SLC4A11: variants seen among roughly 807,000 people sequenced by gnomAD.
The protein encoded by SLC4A11 is bicarbonate transporter related protein 1.
In SLC4A11, 74 loss-of-function variants were observed where a neutral mutation model predicts 95.0. The observed-to-expected ratio is 0.78, with a 90% CI of 0.65 to 0.95. SLC4A11 has a LOEUF of 0.95. Among genes scored for constraint, SLC4A11 ranks in the 40% least tolerant of loss-of-function variants. SLC4A11 has a pLI of 0.00. For synonymous variants in SLC4A11, 548 were observed against 519.0 expected (o/e 1.06, Z -0.76); for missense variants, 1,081 against 1,192.4 (o/e 0.91, Z 1.38).
rs749037006 is a variant in SLC4A11, at chr20:3,234,806, G to A, written c.177C>T (p.Ile59=). The change falls in exon 3 of 20, where the codon ATC becomes ATT. Residue 59 remains isoleucine, a synonymous_variant. Transcript: ENST00000642402. This position sits in a 1 kb window ranked among gnomAD's most constrained non-coding sequence, Gnocchi z 5.8. ...AAAAACGGATACTCTCGCCAGACAC[G>A]ATGGAGGAGTTGGCAGTGTCGAAGG... The part of the protein sequence containing the change: ...DEAFDTANSS[I]VSGESIRFFV... The A allele has an allele frequency of 3.1e-6, 5 of 1,614,032 alleles. No homozygotes were observed. The highest frequency in any genetic ancestry group is 2.2e-5 in the East Asian group (1 of 44,878).
At position 3,229,387 on chromosome 20, in the gene SLC4A11, G is replaced by A. The variant is rs1156862667; in HGVS notation, c.1808C>T (p.Ala603Val). Reference sequence around the variant, plus strand: ...GCCATGGGAGCTGATGAGGGAGAAGGCGAGCACCGCGATGGGCAGGGCGCA... The same window carrying A: ...GCCATGGGAGCTGATGAGGGAGAAGACGAGCACCGCGATGGGCAGGGCGCA... ...SDCALPIAVL[A>V]FSLISSHGFR... Residue 603 changes from alanine (A) to valine (V), a missense_variant, in exon 15 of 20, where the codon GCC becomes GTC. Around this residue, in one of 3 missense-constraint regions of SLC4A11, gnomAD observed 767 missense variants for 858.0 expected, o/e 0.89. Coordinates refer to ENST00000642402, the MANE Select transcript of SLC4A11 (RefSeq NM_001174089.2). 1 of 1,613,210 alleles carries A rather than the reference G, an allele frequency of 6.2e-7. No homozygotes were observed. Among genetic ancestry groups the A allele is most frequent in the Non-Finnish European group, 8.5e-7 (1 of 1,180,040 alleles).
At position 3,234,716 on chromosome 20, in the gene SLC4A11, G is replaced by T; in HGVS notation, c.241+26C>A. 1 of 1,613,822 alleles carries T rather than the reference G, an allele frequency of 6.2e-7. No individual in the cohort carries two copies. Among genetic ancestry groups the T allele is most frequent in the Non-Finnish European group, 8.5e-7 (1 of 1,179,980 alleles). Reference sequence around the variant, plus strand: ...CTGCCCAGTCCCGTGCCTTCCCCCAGTCTGCCCCTGCTGCAGCCCCCATAC... The same window carrying T: ...CTGCCCAGTCCCGTGCCTTCCCCCATTCTGCCCCTGCTGCAGCCCCCATAC... On this transcript the variant is annotated intron_variant, in intron 3 of 19. Transcript: ENST00000642402. The surrounding 1 kb of genome is among the most constrained non-coding windows in gnomAD (Gnocchi z 5.8).
intron 1 of SLC4A11, 102 bp from the exon 2 acceptor site, chr20:3,237,690 T>A: frequency 6.2e-7 from 1 of 1,614,052 alleles, no homozygotes; most frequent in Non-Finnish European, 8.5e-7. Flanking sequence ...TCCTTCGCTC[T>A]TCCGAGGGAT....
Position 3,229,084 on chromosome 20 carries a change from A to T in SLC4A11, c.2018+11T>A. 1 of 283,562 alleles carries T rather than the reference A, an allele frequency of 3.5e-6. No individual in the cohort carries two copies. The allele number at this position is 283,562 out of a possible 1,614,324, so 17.6% of individuals were successfully genotyped here. On this transcript the variant is annotated intron_variant, in intron 16 of 19. Transcript: ENST00000642402. ...GGCCCCGCCCACCCCACCCTCACCC[A>T]CCCTCCACACCTGTTCTCCGGTGCA... is the stretch of plus-strand genomic sequence containing the variant.
chr20:3,231,305 G>A lies in SLC4A11; in HGVS notation c.948+25C>T. ...GCCCATGCCCCCGCCGACCCTGCCG[G>A]CCCCCGCCGGCCTCTACCCTGTACC... On this transcript the variant is annotated intron_variant, in intron 8 of 19. Coordinates refer to ENST00000642402, the MANE Select transcript of SLC4A11 (RefSeq NM_001174089.2). The surrounding 1 kb of genome is among the most constrained non-coding windows in gnomAD (Gnocchi z 5.2). 1.2e-6 allele frequency: 2 copies of A among 1,613,366 alleles called. No homozygotes were observed. Among genetic ancestry groups the A allele is most frequent in the South Asian group, 2.2e-5 (2 of 91,080 alleles).
intron 13 of SLC4A11, 77 bp downstream of exon 13, chr20:3,230,110 C>T: frequency 6.5e-7 from 1 of 1,530,482 alleles, no homozygotes. Flanking sequence ...TCCTATGTGC[C>T]CCCAGCCAGG....
chr20:3,234,018 G>C lies in SLC4A11; in HGVS notation c.524-16C>G. On this transcript the variant is annotated splice_polypyrimidine_tract_variant and intron_variant, in intron 5 of 19. Coordinates refer to ENST00000642402, the MANE Select transcript of SLC4A11 (RefSeq NM_001174089.2). The surrounding 1 kb of genome is among the most constrained non-coding windows in gnomAD (Gnocchi z 5.8). ...AGCAGGTGGACTGAGGAAAGAGTGA[G>C]GGGGAGGGTGGTGGGTCAACAGCCC... 6.2e-7 allele frequency: 1 copy of C among 1,613,790 alleles called. No homozygotes were observed. Among genetic ancestry groups the C allele is most frequent in the South Asian group, 1.1e-5 (1 of 91,086 alleles).
At chr20:3,237,789 GA>G (rs1043965772) in intron 1 of SLC4A11, 24 of 1,604,926 alleles carry the variant, frequency 1.5e-5, no homozygotes, top group African/African-American at 4.0e-5. Flanking sequence ...CTTAATCTCA[GA>G]AATTCAATTG....
Position 3,227,570 on chromosome 20 carries a change from G to C in SLC4A11, c.*217C>G. On this transcript the variant is annotated 3_prime_UTR_variant, in exon 20 of 20. Coordinates refer to ENST00000642402, the MANE Select transcript of SLC4A11 (RefSeq NM_001174089.2). ...ACCCACCCTGGGCAGAAGCTGCCCT[G>C]AGCAACGCTCTTGGCCTAAAGCTAA... 2 of 608,226 alleles carry C rather than the reference G, an allele frequency of 3.3e-6. No homozygotes were observed. The highest frequency in any genetic ancestry group is 5.0e-5 in the Admixed American group (2 of 39,708). 37.7% of individuals were successfully genotyped at this position (608,226 alleles called of 1,614,324 possible).
At position 3,229,712 on chromosome 20, in the gene SLC4A11, A is replaced by G. The variant is rs1395366600; in HGVS notation, c.1554T>C (p.Leu518=). Residue 518 remains leucine (L), a synonymous_variant, in exon 14 of 20, where the codon CTT becomes CTC. Transcript: ENST00000642402. ...DDYHTKRTSS[L]VSLSGLGASL... Reference sequence around the variant, plus strand: ...TGGCGCCGAGGCCTGACAGGCTGACAAGGGATGAAGTCCTTTTTGTGTGAT... The same window carrying G: ...TGGCGCCGAGGCCTGACAGGCTGACGAGGGATGAAGTCCTTTTTGTGTGAT... The G allele has an allele frequency of 1.4e-5, 23 of 1,613,858 alleles. No individual in the cohort carries two copies. Among genetic ancestry groups the G allele is most frequent in the East Asian group, 2.2e-5 (1 of 44,896 alleles).
At position 3,234,347 on chromosome 20, in the gene SLC4A11, C is replaced by T. The variant is rs780586585; in HGVS notation, c.292-33G>A. The T allele has an allele frequency of 6.3e-7, 1 of 1,594,888 alleles. No individual in the cohort carries two copies. The highest frequency in any genetic ancestry group is 8.6e-7 in the Non-Finnish European group (1 of 1,164,654). ...GACCCCAGGGACAGAACCACACGGG[C>T]CCATGTATGAGATGCTGTCACTGCC... On this transcript the variant is annotated intron_variant, in intron 4 of 19. Coordinates refer to ENST00000642402, the MANE Select transcript of SLC4A11 (RefSeq NM_001174089.2). The surrounding 1 kb of genome is among the most constrained non-coding windows in gnomAD (Gnocchi z 5.8).
rs760580216 is a variant in SLC4A11 at position 3,229,082 on chromosome 20, C to T, written c.2018+13G>A. On this transcript the variant is annotated intron_variant, in intron 16 of 19. Transcript: ENST00000642402. Reference sequence around the variant, plus strand: ...CGGGCCCCGCCCACCCCACCCTCACCCACCCTCCACACCTGTTCTCCGGTG... The same window carrying T: ...CGGGCCCCGCCCACCCCACCCTCACTCACCCTCCACACCTGTTCTCCGGTG... 1 of 1,577,662 alleles carries T rather than the reference C, an allele frequency of 6.3e-7. No homozygotes were observed. The highest frequency in any genetic ancestry group is 2.3e-5 in the East Asian group (1 of 43,160).
rs758898486 is a variant in SLC4A11, at chr20:3,229,332, C to A, written c.1849+14G>T. The A allele has an allele frequency of 2.9e-5, 47 of 1,613,048 alleles. No homozygotes were observed. The highest frequency in any genetic ancestry group is 3.4e-5 in the Non-Finnish European group (40 of 1,179,998). ...GAGCTACCCCACGTCACCCACCGCC[C>A]GGCCCCAACTCACTCTCGATTTCCC... is the stretch of plus-strand genomic sequence containing the variant. On this transcript the variant is annotated intron_variant, in intron 15 of 19. Coordinates refer to ENST00000642402, the MANE Select transcript of SLC4A11 (RefSeq NM_001174089.2).
At chr20:3,235,367 G>A (rs1006856324) in intron 2 of SLC4A11, among the ~76,000 whole-genome samples, 1 of 148,226 alleles carries the variant, frequency 6.7e-6, no homozygotes, top group African/African-American at 2.5e-5. Flanking sequence ...TGCCTTGTGG[G>A]CACAGGGTCT....
chr20:3,229,324 C>T, intron 15 of SLC4A11, 22 bp downstream of exon 15: 1 of 1,613,124 alleles, frequency 6.2e-7, no homozygotes, highest in Non-Finnish European at 8.5e-7. Flanking sequence ...CCCACGTCAC[C>T]CACCGCCCGG....
chr20:3,237,910 G>C (rs769329539), intron 1 of SLC4A11: 1 of 1,550,624 alleles, frequency 6.4e-7, no homozygotes, highest in South Asian at 1.2e-5. Context: ...GCTAATCCAG[G>C]TTTTCCTGAG....
At position 3,231,074 on chromosome 20, in the gene SLC4A11, G is replaced by A. The variant is rs1212862898; in HGVS notation, c.1043-16C>T. The A allele has an allele frequency of 4.4e-6, 7 of 1,606,618 alleles. No individual in the cohort carries two copies. Among genetic ancestry groups the A allele is most frequent in the East Asian group, 2.2e-5 (1 of 44,886 alleles). Reference sequence around the variant, plus strand: ...CCAATAATGCCTAGGAATGGGGGATGGGAGAGAGGGTTTGCTGGGGATGCA... The same window carrying A: ...CCAATAATGCCTAGGAATGGGGGATAGGAGAGAGGGTTTGCTGGGGATGCA... On this transcript the variant is annotated splice_polypyrimidine_tract_variant and intron_variant, in intron 9 of 19. Transcript: ENST00000642402. The surrounding 1 kb of genome is among the most constrained non-coding windows in gnomAD (Gnocchi z 5.2).
intron 6 of SLC4A11, 52 bp from the exon 7 acceptor site, chr20:3,233,689 G>A: frequency 6.2e-7 from 1 of 1,605,090 alleles, no homozygotes; most frequent in East Asian, 2.2e-5. Context: ...GGGAGCTGGG[G>A]CTCCCCGACC....
intron 2 of SLC4A11, among the ~76,000 whole-genome samples, chr20:3,235,317 A>T (rs62208070): frequency 1.4e-3 from 119 of 86,054 alleles, no homozygotes; most frequent in South Asian, 5.3e-3. Context: ...TCTCACACAC[A>T]CACACACACA....
Sources: gnomAD v4.1 joint callset for allele counts (sites outside exome capture counted in the v4.1 genomes callset) on GRCh38, gnomAD v4.1.1 for gene constraint, gnomAD v4.1.1 regional missense constraint, Gnocchi (gnomAD v3.1) non-coding constraint, MANE v1.5 for transcripts, NCBI Gene and HGNC (gene_info 2026-07-23, HGNC 2026-07-21) for gene names.